Variants in SPEG observed in about 807,000 individuals in gnomAD.
SPEG encodes the protein striated muscle enriched protein kinase.
In SPEG, 114 loss-of-function variants were observed where a neutral mutation model predicts 300.4. The observed-to-expected ratio is 0.38, with a 90% CI of 0.33 to 0.44. The LOEUF is 0.44. Ranked by LOEUF, SPEG falls within the 20% of genes least tolerant of loss-of-function variation. The pLI is 1.00. For missense variants in SPEG, 4,201 were observed against 4,586.2 expected, an observed-to-expected ratio of 0.92 and a Z score of 2.43; for synonymous variants, 1,964 against 2,018.9, an observed-to-expected ratio of 0.97 and a Z score of 0.73.
chr2:219,483,916 C>G lies in SPEG; in HGVS notation c.6453C>G (p.Ile2151Met), dbSNP rs1161515341. The G allele has an allele frequency of 4.4e-6, 7 of 1,603,422 alleles. No individual in the cohort carries two copies. Among genetic ancestry groups the G allele is most frequent in the African/African-American group, 1.3e-5 (1 of 74,894 alleles). ...GCCGAGCGGGGGCGCCCCTCGAGAT[C>G]CCCGTGGCCAGGCTTGGGGCCCGTA... ...RHRRAGAPLE[I>M]PVARLGARRL... is the part of the protein sequence containing the mutation. The change falls in exon 30 of 41, where the codon ATC becomes ATG. Residue 2151 changes from isoleucine (I) to methionine (M), a missense_variant. Around this residue, in one of 4 missense-constraint regions of SPEG, gnomAD observed 1,578 missense variants for 1,506.0 expected, o/e 1.05. Coordinates refer to ENST00000312358, the MANE Select transcript of SPEG (RefSeq NM_005876.5).
Position 219,444,143 on chromosome 2 carries a change from C to CA in SPEG, c.389-509dup. 1.9e-6 allele frequency: 2 copies of CA among 1,040,926 alleles called. No homozygotes were observed. Among genetic ancestry groups the CA allele is most frequent in the Non-Finnish European group, 2.7e-6 (2 of 745,456 alleles). The allele number at this position is 1,040,926 out of a possible 1,614,324, so 64.5% of individuals were successfully genotyped here. A position where few individuals can be genotyped will look rare whatever the true frequency, so the allele number is the denominator to read the frequency against. On this transcript the variant is annotated intron_variant, in intron 1 of 40. Transcript: ENST00000312358. This position sits in a 1 kb window ranked among gnomAD's most constrained non-coding sequence, Gnocchi z 7.8. ...GCCTCTCCTCACCCTGCCTCAGCTG[C>CA]ACCCGATGCCTTGCAGCTGGTTTGG...
intron 10 of SPEG, 64 bp from the exon 11 acceptor site, chr2:219,468,514 G>T: frequency 6.4e-7 from 1 of 1,561,332 alleles, no homozygotes. Context: ...GGTCAGGAGT[G>T]GTGGGTTGGG....
rs371183491 is a variant in SPEG, at chr2:219,481,803, C to T, written c.5565+123C>T. The T allele has an allele frequency of 2.4e-3, 1,998 of 841,978 alleles. 49 individuals carry two copies. In the South Asian group the frequency reaches 0.027, roughly 11 times the overall value. The allele number at this position is 841,978 out of a possible 1,614,324, so 52.2% of individuals were successfully genotyped here. Reference sequence around the variant, plus strand: ...CGTTAGGCATTGTATGTACATATGACGTATTAGCCTCACAATAGCTTTGCA... The same window carrying T: ...CGTTAGGCATTGTATGTACATATGATGTATTAGCCTCACAATAGCTTTGCA... On this transcript the variant is annotated intron_variant, in intron 28 of 40. Transcript: ENST00000312358. This position sits in a 1 kb window ranked among gnomAD's most constrained non-coding sequence, Gnocchi z 5.4.
At position 219,448,131 on chromosome 2, in the gene SPEG, C is replaced by G. The variant is rs1438252945; in HGVS notation, c.973C>G (p.Pro325Ala). The change falls in exon 4 of 41, where the codon CCG (proline) becomes GCG (alanine). Residue 325 changes from proline (P) to alanine (A), a missense_variant. Pro to Ala is a conservative substitution (Grantham distance 27, BLOSUM62 -1). Around this residue, in one of 4 missense-constraint regions of SPEG, gnomAD observed 1,258 missense variants for 1,293.9 expected, o/e 0.97. Transcript: ENST00000312358. ...RVGKRSPPGPPAQPAATPTSP... is the reference protein window; with the variant it reads ...RVGKRSPPGPAAQPAATPTSP... ...CGGGAAGCGGTCCCCGCCGGGACCC[C>G]CGGCCCAGCCCGCGGCCACCCCCAC... The G allele has an allele frequency of 1.9e-6, 3 of 1,605,200 alleles. No homozygotes were observed. In the Admixed American group the frequency reaches 5.1e-5, roughly 27 times the overall value.
Position 219,492,710 on chromosome 2 carries a change from G to T in SPEG, c.9728G>T (p.Gly3243Val). 6.2e-7 allele frequency: 1 copy of T among 1,605,294 alleles called. No homozygotes were observed. Among genetic ancestry groups the T allele is most frequent in the African/African-American group, 1.3e-5 (1 of 75,044 alleles). ...ACCAACCGGCTCAAGGAGTTCCTGG[G>T]CGAGCAGCGGCGGCGCCGGGCTGAG... Reference protein sequence around the residue: ...FTTNRLKEFLGEQRRRRAEAA... With the variant: ...FTTNRLKEFLVEQRRRRAEAA... The change falls in exon 41 of 41, where the codon GGC becomes GTC. Residue 3243 changes from glycine (G) to valine (V), a missense_variant. This residue lies in a region of SPEG where 318 missense variants were observed against 429.5 expected (regional missense o/e 0.74). Coordinates refer to ENST00000312358, the MANE Select transcript of SPEG (RefSeq NM_005876.5).
Position 219,481,399 on chromosome 2 carries a change from T to C in SPEG, c.5465T>C (p.Leu1822Pro). The C allele has an allele frequency of 6.2e-7, 1 of 1,614,200 alleles. No homozygotes were observed. Among genetic ancestry groups the C allele is most frequent in the East Asian group, 2.2e-5 (1 of 44,876 alleles). The change falls in exon 27 of 41, where the codon CTG becomes CCG. Residue 1822 changes from leucine (L) to proline (P), a missense_variant. Coordinates refer to ENST00000312358, the MANE Select transcript of SPEG (RefSeq NM_005876.5). This position sits in a 1 kb window ranked among gnomAD's most constrained non-coding sequence, Gnocchi z 5.4. The part of the protein sequence containing the change: ...YNVAFEETTF[L>P]SLSREARGFL... ...GTGGCCTTCGAGGAGACCACATTCC[T>C]GAGCCTGAGCAGGGAGGCCCGGGGC...
chr2:219,462,097 C>A, intron 7 of SPEG, 40 bp downstream of exon 7: 3 of 1,522,582 alleles, frequency 2.0e-6, no homozygotes, highest in East Asian at 2.3e-5. Context: ...CCTGTGTGCC[C>A]CCGTTCCTTT....
chr2:219,488,996 C>A (rs1381023129), intron 34 of SPEG, 58 bp from the exon 35 acceptor site: 1 of 1,606,650 alleles, frequency 6.2e-7, no homozygotes, highest in African/African-American at 1.3e-5. Context: ...CAGATAGCAC[C>A]GTGGGAGCTG....
rs1240014592 is a variant in SPEG, at chr2:219,484,900, C to A, written c.7437C>A (p.Gly2479=). 1 of 1,525,510 alleles carries A rather than the reference C, an allele frequency of 6.6e-7. No individual in the cohort carries two copies. Among genetic ancestry groups the A allele is most frequent in the East Asian group, 2.5e-5 (1 of 39,620 alleles). The allele number at this position is 1,525,510 out of a possible 1,614,324, so 94.5% of individuals were successfully genotyped here. A position where few individuals can be genotyped will look rare whatever the true frequency, so the allele number is the denominator to read the frequency against. The stretch of plus-strand genomic sequence containing the variant: ...GTGGCAGCAGCGAGGACTCGGGGGG[C>A]GCGTCGGGCCGCAGCACGCCGCTGT... ...QRSGSSEDSG[G]ASGRSTPLFG... Residue 2479 remains glycine (G), a synonymous_variant, in exon 30 of 41, where the codon GGC becomes GGA. Transcript: ENST00000312358.
At position 219,464,070 on chromosome 2, in the gene SPEG, C is replaced by T. The variant is rs1423051087; in HGVS notation, c.2706-363C>T. 1.3e-5 allele frequency among the ~76,000 whole-genome samples: 2 copies of T among 150,634 alleles called. No individual in the cohort carries two copies. The highest frequency in any genetic ancestry group is 3.9e-4 in the East Asian group (2 of 5,096). ...CTGGGGAGGTAGAAGCTGCAGTGAG[C>T]TGTGATTGTGCCACTGCACTCCAGC... On this transcript the variant is annotated intron_variant, in intron 8 of 40. Coordinates refer to ENST00000312358, the MANE Select transcript of SPEG (RefSeq NM_005876.5). The surrounding 1 kb of genome is among the most constrained non-coding windows in gnomAD (Gnocchi z 4.5).
At chr2:219,461,774 G>C in intron 6 of SPEG, 108 bp from the exon 7 acceptor site, 1 of 1,214,672 alleles carries the variant, frequency 8.2e-7, no homozygotes, top group Admixed American at 2.0e-5. Context: ...GGCAGGGCCG[G>C]CCTGCGGGGA....
rs1692073827 is a variant in SPEG at position 219,473,512 on chromosome 2, C to G, written c.4156C>G (p.Leu1386Val). Residue 1386 changes from leucine (L) to valine (V), a missense_variant, in exon 17 of 41, where the codon CTG becomes GTG. By Grantham distance (32) the Leu-to-Val change is conservative (BLOSUM62 1). Around this residue, in one of 4 missense-constraint regions of SPEG, gnomAD observed 1,047 missense variants for 1,356.8 expected, o/e 0.77. Coordinates refer to ENST00000312358, the MANE Select transcript of SPEG (RefSeq NM_005876.5). The surrounding 1 kb of genome is among the most constrained non-coding windows in gnomAD (Gnocchi z 4.6). ...PVQLLEHGPT[L>V]EEAPAMLDKP... is the part of the protein sequence containing the mutation. ...CGCTCTCCTCCTCCCAGGCCCAACC[C>G]TGGAGGAGGCCCCTGCCATGCTGGA... The G allele has an allele frequency of 6.2e-7, 1 of 1,613,876 alleles. No homozygotes were observed. The highest frequency in any genetic ancestry group is 1.1e-5 in the South Asian group (1 of 91,084).
intron 3 of SPEG, 21 bp from the exon 4 acceptor site, chr2:219,447,953 T>G: frequency 6.2e-7 from 1 of 1,610,048 alleles, no homozygotes; most frequent in African/African-American, 1.3e-5. Context: ...TCCTCTACCC[T>G]TCTCCATCTT....
intron 6 of SPEG, chr2:219,460,842 C>A: frequency 1.0e-6 from 1 of 986,166 alleles, no homozygotes; most frequent in Non-Finnish European, 1.2e-6. Flanking sequence ...GCTGGGTCAG[C>A]CGAGTGAGTG....
rs575538785 is a variant in SPEG at position 219,482,155 on chromosome 2, C to T, written c.5565+475C>T. 454 of 200,134 alleles carry T rather than the reference C, an allele frequency of 2.3e-3. 2 individuals carry two copies. Among genetic ancestry groups the T allele is most frequent in the Non-Finnish European group, 3.7e-3 (358 of 96,820 alleles). 12.4% of individuals were successfully genotyped at this position (200,134 alleles called of 1,614,324 possible). On this transcript the variant is annotated intron_variant, in intron 28 of 40. Transcript: ENST00000312358. Reference sequence around the variant, plus strand: ...CAGTGCCTCAGGGCACAGTGCCAGGCATTGATGGGGTCTTGGGGATTTGGG... The same window carrying T: ...CAGTGCCTCAGGGCACAGTGCCAGGTATTGATGGGGTCTTGGGGATTTGGG...
intron 9 of SPEG, chr2:219,465,712 T>G: frequency 2.4e-6 from 1 of 412,074 alleles, no homozygotes; most frequent in Non-Finnish European, 4.4e-6. Flanking sequence ...AGAGCTGTCC[T>G]TGGGGGAGCC....
chr2:219,469,512 G>A (rs1691683635), intron 13 of SPEG, 133 bp downstream of exon 13: 4 of 719,828 alleles, frequency 5.6e-6, no homozygotes, highest in Non-Finnish European at 9.2e-6. Context: ...CTGGGGGAAG[G>A]GAACCCGGAG....
chr2:219,484,285 C>T lies in SPEG; in HGVS notation c.6822C>T (p.Pro2274=), dbSNP rs761199848. 6.2e-7 allele frequency: 1 copy of T among 1,608,060 alleles called. No individual in the cohort carries two copies. The highest frequency in any genetic ancestry group is 8.5e-7 in the Non-Finnish European group (1 of 1,179,528). The change falls in exon 30 of 41, where the codon CCC becomes CCT. Residue 2274 remains proline, a synonymous_variant. Transcript: ENST00000312358. The part of the protein sequence containing the change: ...GPAAPPSEPK[P]HAAVFARVAS... ...CCGCGCCGCCTTCAGAGCCCAAGCC[C>T]CACGCTGCTGTCTTTGCCAGGGTGG...
rs1182566407 is a variant in SPEG at position 219,464,051 on chromosome 2, A to G, written c.2706-382A>G. On this transcript the variant is annotated intron_variant, in intron 8 of 40. Transcript: ENST00000312358. The surrounding 1 kb of genome is among the most constrained non-coding windows in gnomAD (Gnocchi z 4.5). ...ATGGGGAGATCGCTTGAGCCTGGGG[A>G]GGTAGAAGCTGCAGTGAGCTGTGAT... is the stretch of plus-strand genomic sequence containing the variant. Among the ~76,000 whole-genome samples, 1 of 150,370 alleles carries G rather than the reference A, an allele frequency of 6.7e-6. No individual in the cohort carries two copies. Among genetic ancestry groups the G allele is most frequent in the African/African-American group, 2.4e-5 (1 of 40,862 alleles).
Sources: gnomAD v4.1 joint callset for allele counts (sites outside exome capture counted in the v4.1 genomes callset) on GRCh38, gnomAD v4.1.1 for gene constraint, gnomAD v4.1.1 regional missense constraint, Gnocchi (gnomAD v3.1) non-coding constraint, MANE v1.5 for transcripts, NCBI Gene and HGNC (gene_info 2026-07-23, HGNC 2026-07-21) for gene names.